The following IL19 variants were observed in gnomAD, a reference collection of about 807,000 sequenced individuals.
IL19 encodes the protein interleukin 19, also known as interleukin-19.
Under a neutral mutation model 19.5 loss-of-function variants are expected in IL19, and 15 were observed. The observed-to-expected ratio is 0.77, with a 90% CI of 0.52 to 1.19. The LOEUF is 1.19. Among genes scored for constraint, IL19 ranks in the 50% most tolerant of loss-of-function variants. The pLI is 0.00. For synonymous variants in IL19, 78 were observed against 78.3 expected, an observed-to-expected ratio of 1.00 and a Z score of 0.02; for missense variants, 199 against 213.1, an observed-to-expected ratio of 0.93 and a Z score of 0.41.
At chr1:206,796,267 C>A (rs540396708) in intron 1 of IL19, among the ~76,000 whole-genome samples, 7 of 152,264 alleles carry the variant, frequency 4.6e-5, no homozygotes, top group South Asian at 2.1e-4. Context: ...CTGGCAGGGG[C>A]AATCTGCTTC....
intron 1 of IL19, among the ~76,000 whole-genome samples, chr1:206,786,611 C>T (rs1401469766): frequency 1.3e-5 from 2 of 152,108 alleles, no homozygotes; most frequent in Non-Finnish European, 2.9e-5. Flanking sequence ...GACTGAGTTG[C>T]AGCAGCCCAC....
chr1:206,823,932 C>T (rs760796959), intron 2 of IL19, among the ~76,000 whole-genome samples: 2 of 152,140 alleles, frequency 1.3e-5, no homozygotes, highest in African/African-American at 4.8e-5. Flanking sequence ...TGCTTCCCTC[C>T]GTCTTAAGAA....
intron 1 of IL19, among the ~76,000 whole-genome samples, chr1:206,795,818 A>G (rs1265114926): frequency 6.6e-6 from 1 of 152,002 alleles, no homozygotes; most frequent in Non-Finnish European, 1.5e-5. Flanking sequence ...TATTCCTTCT[A>G]TTAACAGCCT....
At chr1:206,819,563 C>G (rs779334184) in intron 2 of IL19, among the ~76,000 whole-genome samples, 13 of 140,326 alleles carry the variant, frequency 9.3e-5, no homozygotes, top group Non-Finnish European at 1.7e-4. Context: ...CCCTGGGTGA[C>G]AGAGCAAGAC....
chr1:206,808,848 A>G (rs998716799), intron 2 of IL19, among the ~76,000 whole-genome samples: 1 of 152,176 alleles, frequency 6.6e-6, no homozygotes, highest in African/African-American at 2.4e-5. Context: ...AAAGAAGGTG[A>G]GAGACAGATG....
At chr1:206,797,181 G>A (rs950985442) in intron 1 of IL19, among the ~76,000 whole-genome samples, 2 of 152,132 alleles carry the variant, frequency 1.3e-5, no homozygotes, top group Non-Finnish European at 2.9e-5. Flanking sequence ...TCACTTGTCC[G>A]GGGTCATAGT....
chr1:206,809,406 C>A (rs1276807663), intron 2 of IL19, among the ~76,000 whole-genome samples: 1 of 152,166 alleles, frequency 6.6e-6, no homozygotes, highest in Non-Finnish European at 1.5e-5. Context: ...GTGGGCCTGA[C>A]CTCCACTGGC....
chr1:206,799,511 G>A (rs1021494144), intron 2 of IL19, among the ~76,000 whole-genome samples: 1 of 152,212 alleles, frequency 6.6e-6, no homozygotes, highest in Non-Finnish European at 1.5e-5. Flanking sequence ...GCTCTCTGAG[G>A]CCACGTAGTC....
chr1:206,779,811 TTTC>T (rs752455648), intron 1 of IL19, among the ~76,000 whole-genome samples: 20 of 152,048 alleles, frequency 1.3e-4, no homozygotes, highest in Admixed American at 2.0e-4. Flanking sequence ...CCTCATTGAC[TTTC>T]TTCTTCTTTT....
intron 1 of IL19, chr1:206,771,472 G>A (rs1572539450): frequency 4.2e-6 from 6 of 1,416,694 alleles, no homozygotes; most frequent in African/African-American, 1.4e-5. Flanking sequence ...ACTGAAATGC[G>A]GTCTTTTTGA....
rs61026012 is a variant in IL19 at position 206,811,443 on chromosome 1, CAA to C, written c.-3+12457_-3+12458del. Among the ~76,000 whole-genome samples, 585 of 99,674 alleles carry C rather than the reference CAA, an allele frequency of 5.9e-3. 5 individuals are homozygous for C. The highest frequency in any genetic ancestry group is 0.017 in the African/African-American group (450 of 26,760). The allele number at this position is 99,674 out of a possible 152,430, so 65.4% of individuals were successfully genotyped here. On this transcript the variant is annotated intron_variant, in intron 2 of 6. Transcript: ENST00000659997. ...TGGGTGACAGAGCAAGACTCCGTCT[CAA>C]AAAAAAAAAAAAAAAAAAAGTTTGG...
intron 1 of IL19, among the ~76,000 whole-genome samples, chr1:206,786,757 C>T (rs985861092): frequency 4.6e-5 from 7 of 152,096 alleles, no homozygotes; most frequent in African/African-American, 1.2e-4. Context: ...TTGACCTCAC[C>T]CTTCTCCCCA....
chr1:206,824,698 A>C (rs1676386987), intron 2 of IL19, among the ~76,000 whole-genome samples: 1 of 152,230 alleles, frequency 6.6e-6, no homozygotes, highest in South Asian at 2.1e-4. Context: ...AGGCACAGAG[A>C]GATTAATTCA....
chr1:206,789,059 AG>A (rs1558608220), intron 1 of IL19, among the ~76,000 whole-genome samples: 4 of 152,332 alleles, frequency 2.6e-5, no homozygotes, highest in Admixed American at 6.5e-5. Context: ...AGAATGCTAG[AG>A]TGACCTTTTC....
intron 6 of IL19, 62 bp from the exon 7 acceptor site, chr1:206,842,465 G>T (rs1677047903): frequency 1.0e-6 from 1 of 1,004,816 alleles, no homozygotes; most frequent in South Asian, 1.5e-5. Flanking sequence ...TATGAAGAAA[G>T]TGACTTGAAA....
intron 2 of IL19, among the ~76,000 whole-genome samples, chr1:206,828,339 C>T (rs1033889841): frequency 2.0e-5 from 3 of 152,202 alleles, no homozygotes; most frequent in African/African-American, 7.2e-5. Context: ...CTGCACATTC[C>T]AAGTTTAATC....
At chr1:206,827,024 C>T (rs943146516) in intron 2 of IL19, among the ~76,000 whole-genome samples, 6 of 152,104 alleles carry the variant, frequency 3.9e-5, no homozygotes, top group Admixed American at 1.3e-4. Flanking sequence ...AAAGAAGTGC[C>T]GTTGTGATAC....
intron 2 of IL19, among the ~76,000 whole-genome samples, chr1:206,808,444 A>C (rs1675910353): frequency 6.6e-6 from 1 of 152,082 alleles, no homozygotes; most frequent in Non-Finnish European, 1.5e-5. Flanking sequence ...TGTGGCCTTG[A>C]AGGAAGGATA....
At chr1:206,836,627 T>C (rs775236487) in intron 2 of IL19, 34 bp from the exon 3 acceptor site, 10 of 1,576,304 alleles carry the variant, frequency 6.3e-6, no homozygotes, top group Non-Finnish European at 8.6e-6. Flanking sequence ...CCTCCACTCT[T>C]GGCTGGACAG....
Sources: gnomAD v4.1 joint callset for allele counts (sites outside exome capture counted in the v4.1 genomes callset) on GRCh38, gnomAD v4.1.1 for gene constraint, MANE v1.5 for transcripts, NCBI Gene and HGNC (gene_info 2026-07-23, HGNC 2026-07-21) for gene names.